The following VPS35L variants were observed in gnomAD, a reference collection of about 807,000 sequenced individuals.
VPS35L encodes VPS35 endosomal protein-sorting factor-like.
VPS35L carries 83 observed loss-of-function variants against 133.0 expected under a neutral mutation model. The observed-to-expected ratio is 0.62, with a 90% CI of 0.52 to 0.75. VPS35L has a LOEUF of 0.75. Among genes scored for constraint, VPS35L ranks in the 30% least tolerant of loss-of-function variants. The probability of loss-of-function intolerance (pLI) is 0.00; values close to 1 mark genes in which losing one functional copy is unlikely to be tolerated. For synonymous variants in VPS35L, 423 were observed against 449.9 expected, an observed-to-expected ratio of 0.94 and a Z score of 0.76; for missense variants, 1,083 against 1,206.8, an observed-to-expected ratio of 0.90 and a Z score of 1.52.
At position 19,587,420 on chromosome 16, in the gene VPS35L, G is replaced by A. The variant is rs141276355; in HGVS notation, c.640-4370G>A. ...TGAGGTGGGCGGATCAGCTGAGGTC[G>A]GGAGTTTAAGACCAGCCTGACCAAC... On this transcript the variant is annotated intron_variant, in intron 7 of 30. Coordinates refer to ENST00000417362, the MANE Select transcript of VPS35L (RefSeq NM_020314.7). The A allele has an allele frequency of 1.5e-3, 642 of 432,434 alleles. 6 individuals are homozygous for A. The highest frequency in any genetic ancestry group is 0.012 in the African/African-American group (588 of 48,322). The allele number at this position is 432,434 out of a possible 1,614,324, so 26.8% of individuals were successfully genotyped here. A position where few individuals can be genotyped will look rare whatever the true frequency, so the allele number is the denominator to read the frequency against.
intron 29 of VPS35L, among the ~76,000 whole-genome samples, chr16:19,695,818 A>AAAATAAAT (rs144891120): frequency 6.6e-5 from 10 of 151,602 alleles, no homozygotes; most frequent in South Asian, 2.1e-4. Flanking sequence ...CCCTGTCTCT[A>AAAATAAAT]AAATAAATAA....
At position 19,644,870 on chromosome 16, in the gene VPS35L, CA is replaced by C. The variant is rs760694168; in HGVS notation, c.1866-14del. On this transcript the variant is annotated splice_polypyrimidine_tract_variant and intron_variant, in intron 22 of 30. Coordinates refer to ENST00000417362, the MANE Select transcript of VPS35L (RefSeq NM_020314.7). ...CTATTACCTCCGTGTTAATTATGTA[CA>C]ATTATTGATTTTAGTGCACTCACTC... 7.7e-6 allele frequency: 12 copies of C among 1,558,554 alleles called. No individual in the cohort carries two copies. The highest frequency in any genetic ancestry group is 1.1e-5 in the Non-Finnish European group (12 of 1,136,180).
chr16:19,647,666 G>C, intron 23 of VPS35L, 118 bp from the exon 24 acceptor site: 1 of 811,180 alleles, frequency 1.2e-6, no homozygotes, highest in Non-Finnish European at 2.1e-6. Flanking sequence ...TTAGGTTCTA[G>C]TCCAGTGCCC....
chr16:19,694,093 G>A (rs1414712537), intron 29 of VPS35L: 1 of 151,990 alleles, frequency 6.6e-6, no homozygotes, highest in African/African-American at 2.4e-5. Flanking sequence ...GACTTGAAAT[G>A]TTCTGTACAC....
Position 19,574,845 on chromosome 16 carries a change from C to A in VPS35L, c.409-253C>A, listed in dbSNP as rs146323848. ...GGCAGTAGTGTAGAGGGTGATAAAC[C>A]CTGATTCAGAGTAGGTTAAAAATAG... On this transcript the variant is annotated intron_variant, in intron 4 of 30. Transcript: ENST00000417362. Among the ~76,000 whole-genome samples the A allele has an allele frequency of 1.9e-4, 29 of 152,098 alleles. 1 individual carries two copies. Among genetic ancestry groups the A allele is most frequent in the African/African-American group, 6.5e-4 (27 of 41,490 alleles).
At chr16:19,650,503 G>T in intron 25 of VPS35L, 44 bp downstream of exon 25, 4 of 1,470,704 alleles carry the variant, frequency 2.7e-6, no homozygotes, top group Non-Finnish European at 3.8e-6. Flanking sequence ...AACTCCAGTG[G>T]GCTGTTTAGT....
chr16:19,592,373 C>T (rs1203551762), intron 8 of VPS35L, among the ~76,000 whole-genome samples: 1 of 151,990 alleles, frequency 6.6e-6, no homozygotes, highest in East Asian at 1.9e-4. Flanking sequence ...AGCCACCATG[C>T]CTGGCCTGTT....
chr16:19,572,578 GA>G (rs1486139875), intron 3 of VPS35L, among the ~76,000 whole-genome samples: 1 of 152,140 alleles, frequency 6.6e-6, no homozygotes, highest in Non-Finnish European at 1.5e-5. Context: ...TTAACTCTTT[GA>G]CATTCTGATA....
At chr16:19,652,171 G>C in intron 26 of VPS35L, 81 bp downstream of exon 26, 2 of 976,500 alleles carry the variant, frequency 2.0e-6, no homozygotes, top group South Asian at 1.4e-5. Flanking sequence ...TGTGTGTAGA[G>C]AGAGACAAAG....
At chr16:19,611,061 G>A (rs887128242) in intron 12 of VPS35L, among the ~76,000 whole-genome samples, 5 of 152,058 alleles carry the variant, frequency 3.3e-5, no homozygotes, top group Non-Finnish European at 5.9e-5. Context: ...GTGCAGTGGC[G>A]CCATCTCGGC....
At chr16:19,579,166 G>T in intron 6 of VPS35L, 38 bp downstream of exon 6, 1 of 1,587,706 alleles carries the variant, frequency 6.3e-7, no homozygotes. Flanking sequence ...GAGTGGGAGA[G>T]CTTTTCCTTC....
chr16:19,622,140 C>CTTATTTTTTTTTTT (rs1973102535), intron 14 of VPS35L, among the ~76,000 whole-genome samples: 1 of 107,918 alleles, frequency 9.3e-6, no homozygotes, highest in Non-Finnish European at 1.8e-5. Context: ...CCATGTATAT[C>CTTATTTTTTTTTTT]TTTTTTTTTT....
intron 12 of VPS35L, among the ~76,000 whole-genome samples, chr16:19,612,285 A>T (rs1309556913): frequency 1.4e-5 from 2 of 142,926 alleles, no homozygotes; most frequent in African/African-American, 5.3e-5. Flanking sequence ...CCAGAGTCTC[A>T]CTCTGTTGCC....
chr16:19,622,862 A>G (rs975447439), intron 14 of VPS35L, among the ~76,000 whole-genome samples: 1 of 152,190 alleles, frequency 6.6e-6, no homozygotes, highest in African/African-American at 2.4e-5. Context: ...TTTGGCTGCA[A>G]GGAACAAACA....
intron 9 of VPS35L, among the ~76,000 whole-genome samples, chr16:19,602,390 C>T (rs1028069723): frequency 1.3e-5 from 2 of 152,096 alleles, no homozygotes; most frequent in East Asian, 1.9e-4. Context: ...ATTGCCGCTC[C>T]ACTTCCCTCC....
intron 18 of VPS35L, among the ~76,000 whole-genome samples, chr16:19,630,682 C>T (rs1455812976): frequency 2.0e-5 from 3 of 152,044 alleles, no homozygotes; most frequent in Non-Finnish European, 2.9e-5. Context: ...AATGTCTGTG[C>T]CCTCCCAAAA....
At chr16:19,562,160 TCCG>T (rs1345217837) in intron 1 of VPS35L, among the ~76,000 whole-genome samples, 3 of 152,214 alleles carry the variant, frequency 2.0e-5, no homozygotes, top group Non-Finnish European at 4.4e-5. Flanking sequence ...CAGGCTTTAT[TCCG>T]GGGGGCTACT....
At chr16:19,566,825 G>C (rs9922674) in intron 2 of VPS35L, among the ~76,000 whole-genome samples, 55,844 of 151,492 alleles carry the variant, frequency 0.37, 11,909 homozygotes, top group African/African-American at 0.58. Flanking sequence ...TCTCAACTCA[G>C]TGCAACCTCT....
chr16:19,626,353 G>C (rs1430103912), intron 15 of VPS35L, 130 bp downstream of exon 15: 1 of 756,662 alleles, frequency 1.3e-6, no homozygotes, highest in Non-Finnish European at 2.3e-6. Context: ...TAGAATGCTG[G>C]AGTCCGGTTG....
Sources: gnomAD v4.1 joint callset for allele counts (sites outside exome capture counted in the v4.1 genomes callset) on GRCh38, gnomAD v4.1.1 for gene constraint, MANE v1.5 for transcripts, NCBI Gene and HGNC (gene_info 2026-07-23, HGNC 2026-07-21) for gene names.